PRDM2: variants seen among roughly 807,000 people sequenced by gnomAD.
PRDM2 encodes PR/SET domain 2.
A neutral mutation model predicts 130.0 loss-of-function variants in PRDM2; 30 were observed. The observed-to-expected ratio is 0.23, with a 90% CI of 0.17 to 0.31. The LOEUF is 0.31. Ranked by LOEUF, PRDM2 falls within the 10% of genes least tolerant of loss-of-function variation. The probability of loss-of-function intolerance (pLI) is 1.00; values close to 1 mark genes in which losing one functional copy is unlikely to be tolerated. For missense variants in PRDM2, 2,011 were observed against 2,108.4 expected (o/e 0.95, Z 0.90); for synonymous variants, 871 against 782.4 (o/e 1.11, Z -1.89).
At chr1:13,788,725 C>G (rs1003480975) in intron 8 of PRDM2, among the ~76,000 whole-genome samples, 10 of 152,204 alleles carry the variant, frequency 6.6e-5, no homozygotes, top group Non-Finnish European at 1.3e-4. Flanking sequence ...CTTCAACACA[C>G]AGCAGTGCCC....
At chr1:13,782,941 G>A (rs746742824) in intron 8 of PRDM2, 110 bp downstream of exon 8, 2 of 1,566,690 alleles carry the variant, frequency 1.3e-6, no homozygotes, top group South Asian at 1.1e-5. Flanking sequence ...CCCACTTAAA[G>A]GAAATAGCTG....
At position 13,782,370 on chromosome 1, in the gene PRDM2, A is replaced by C. The variant is rs374959482; in HGVS notation, c.4575A>C (p.Gln1525His). Reference protein sequence around the residue: ...RRTADAEIKMQSMQTPLGKTR... With the variant: ...RRTADAEIKMHSMQTPLGKTR... ...CAGCGGATGCGGAGATTAAAATGCA[A>C]AGCATGCAGACTCCGTTGGGCAAGA... The change falls in exon 8 of 10, where the codon CAA (glutamine) becomes CAC (histidine). Residue 1525 changes from glutamine (Q) to histidine (H), a missense_variant. Physicochemically the swap from Gln to His is conservative, Grantham distance 24. Transcript: ENST00000311066. 4 of 1,613,824 alleles carry C rather than the reference A, an allele frequency of 2.5e-6. No homozygotes were observed. The highest frequency in any genetic ancestry group is 3.4e-6 in the Non-Finnish European group (4 of 1,180,028).
intron 2 of PRDM2, among the ~76,000 whole-genome samples, chr1:13,716,940 C>CTT (rs57528158): frequency 0.014 from 2,107 of 151,670 alleles, 29 homozygotes; most frequent in Non-Finnish European, 0.021. Context: ...CTTTAGACAC[C>CTT]TTTTTTTTCA....
At chr1:13,777,462 G>GT (rs1335338050) in intron 7 of PRDM2, among the ~76,000 whole-genome samples, 1 of 151,044 alleles carries the variant, frequency 6.6e-6, no homozygotes, top group African/African-American at 2.4e-5. Flanking sequence ...GCAGGGGCTT[G>GT]TGTAAGTAGG....
rs568215482 is a variant in PRDM2, at chr1:13,797,173, T to TG, written c.5036+14343dup. Among the ~76,000 whole-genome samples, 394 of 152,386 alleles carry TG rather than the reference T, an allele frequency of 2.6e-3. 3 individuals carry two copies. The highest frequency in any genetic ancestry group is 9.1e-3 in the African/African-American group (379 of 41,600). On this transcript the variant is annotated intron_variant, in intron 8 of 9. Coordinates refer to ENST00000311066, the MANE Select transcript of PRDM2 (RefSeq NM_001393986.1). ...GTTCACTACCTTTAGCAGAGATTGA[T>TG]GACCTGCCCATGAAATGGATTTCTC... is the stretch of plus-strand genomic sequence containing the variant.
chr1:13,729,087 C>CT (rs533213720), intron 2 of PRDM2, among the ~76,000 whole-genome samples: 311 of 152,312 alleles, frequency 2.0e-3, no homozygotes, highest in Non-Finnish European at 3.6e-3. Context: ...TCTCTAAGCT[C>CT]TAATTCCCTG....
chr1:13,744,618 T>G (rs1415463638), intron 5 of PRDM2, among the ~76,000 whole-genome samples: 5 of 152,212 alleles, frequency 3.3e-5, no homozygotes, highest in African/African-American at 1.2e-4. Context: ...CTTCATAGTT[T>G]GTTGTGAAGG....
intron 1 of PRDM2, among the ~76,000 whole-genome samples, chr1:13,712,802 C>T (rs972098091): frequency 6.6e-6 from 1 of 152,130 alleles, no homozygotes; most frequent in Non-Finnish European, 1.5e-5. Flanking sequence ...TCCATCCATC[C>T]GTCCGTCTGT....
chr1:13,750,007 A>G (rs1386344489), intron 6 of PRDM2, among the ~76,000 whole-genome samples: 2 of 152,164 alleles, frequency 1.3e-5, no homozygotes, highest in Non-Finnish European at 2.9e-5. Flanking sequence ...AGACAGAGAC[A>G]GGAGGCGGCG....
rs191766457 is a variant in PRDM2, at chr1:13,805,612, C to T, written c.5037-10815C>T. On this transcript the variant is annotated intron_variant, in intron 8 of 9. Transcript: ENST00000311066. ...GCTTGTCTTACCTTTGCACCATCTC[C>T]CCACCCTCTGCCTTTCCCCTACCTT... 3.1e-3 allele frequency among the ~76,000 whole-genome samples: 471 copies of T among 152,334 alleles called. 4 individuals carry two copies. Among genetic ancestry groups the T allele is most frequent in the Middle Eastern group, 0.01 (3 of 294 alleles).
chr1:13,708,097 A>C (rs6693939), intron 1 of PRDM2, among the ~76,000 whole-genome samples: 113,455 of 151,900 alleles, frequency 0.75, 42,560 homozygotes, highest in African/African-American at 0.79. Context: ...ATAAATAATC[A>C]GCAACTGCCA....
At chr1:13,809,167 A>G (rs1645132332) in intron 8 of PRDM2, among the ~76,000 whole-genome samples, 1 of 152,208 alleles carries the variant, frequency 6.6e-6, no homozygotes. Context: ...GACTTGATGT[A>G]TCAAGGAACT....
At chr1:13,810,695 T>C (rs9970255) in intron 8 of PRDM2, among the ~76,000 whole-genome samples, 133,064 of 151,418 alleles carry the variant, frequency 0.88, 58,685 homozygotes, top group African/African-American at 0.95. Context: ...GGGGTTTCAC[T>C]GTGTTAGCAA....
At chr1:13,721,649 T>A (rs1266946527) in intron 2 of PRDM2, among the ~76,000 whole-genome samples, 1 of 152,254 alleles carries the variant, frequency 6.6e-6, no homozygotes, top group East Asian at 1.9e-4. Context: ...AATGAAAATA[T>A]TATTTGTGAA....
chr1:13,737,893 T>C (rs540771990), intron 4 of PRDM2, among the ~76,000 whole-genome samples: 5 of 152,296 alleles, frequency 3.3e-5, no homozygotes, highest in Non-Finnish European at 5.9e-5. Context: ...ATAAAATGTT[T>C]GTGGTGTTAT....
At chr1:13,766,701 T>G (rs2100606338) in intron 6 of PRDM2, among the ~76,000 whole-genome samples, 1 of 152,360 alleles carries the variant, frequency 6.6e-6, no homozygotes, top group East Asian at 1.9e-4. Flanking sequence ...GAAGATCGGA[T>G]GGACCTAACT....
intron 8 of PRDM2, among the ~76,000 whole-genome samples, chr1:13,811,829 G>A (rs888471318): frequency 1.3e-5 from 2 of 152,226 alleles, no homozygotes; most frequent in Non-Finnish European, 2.9e-5. Flanking sequence ...AAGGTGGGGA[G>A]GTCAGAGAAG....
At chr1:13,755,153 C>T (rs531701561) in intron 6 of PRDM2, among the ~76,000 whole-genome samples, 2 of 152,306 alleles carry the variant, frequency 1.3e-5, no homozygotes, top group African/African-American at 2.4e-5. Context: ...GCTGCTGCTA[C>T]TGAATTGCTC....
At chr1:13,730,715 A>G (rs2100468482) in intron 2 of PRDM2, among the ~76,000 whole-genome samples, 1 of 152,304 alleles carries the variant, frequency 6.6e-6, no homozygotes, top group East Asian at 1.9e-4. Flanking sequence ...TGTTTAAAGC[A>G]GTATGGTGGC....
Sources: gnomAD v4.1 joint callset for allele counts (sites outside exome capture counted in the v4.1 genomes callset) on GRCh38, gnomAD v4.1.1 for gene constraint, MANE v1.5 for transcripts, NCBI Gene and HGNC (gene_info 2026-07-23, HGNC 2026-07-21) for gene names.